Variants in AGMO observed in about 807,000 individuals in gnomAD.
AGMO encodes glyceryl-ether monooxygenase.
Under a neutral mutation model 60.2 loss-of-function variants are expected in AGMO, and 75 were observed. The observed-to-expected ratio is 1.25, with a 90% CI of 1.03 to 1.51. AGMO has a LOEUF of 1.51. Ranked by LOEUF, AGMO falls within the 40% of genes most tolerant of loss-of-function variation. AGMO has a pLI of 0.00. For synonymous variants in AGMO, 261 were observed against 177.1 expected, an observed-to-expected ratio of 1.47 and a Z score of -3.76; for missense variants, 763 against 525.5, an observed-to-expected ratio of 1.45 and a Z score of -4.42.
At chr7:15,447,541 C>T (rs1781732249) in intron 3 of AGMO, among the ~76,000 whole-genome samples, 1 of 151,966 alleles carries the variant, frequency 6.6e-6, no homozygotes. Context: ...CTGCAATGTT[C>T]TCATTTCTTT....
At chr7:15,120,510 T>G in the AGMO span, among the ~76,000 whole-genome samples, 6 of 152,142 alleles carry the variant, frequency 3.9e-5, no homozygotes, top group African/African-American at 1.4e-4. Context: ...AGGATGGGAC[T>G]CCATGATAGG....
intron 3 of AGMO, among the ~76,000 whole-genome samples, chr7:15,481,581 A>G (rs1018962025): frequency 1.5e-4 from 23 of 152,174 alleles, no homozygotes; most frequent in Non-Finnish European, 5.9e-5. Context: ...GCAAAAAGAA[A>G]AAGAAAAAAC....
chr7:15,172,095 A>G, the AGMO span, among the ~76,000 whole-genome samples: 1 of 152,178 alleles, frequency 6.6e-6, no homozygotes, highest in South Asian at 2.1e-4. Flanking sequence ...CACCACAGCA[A>G]GACTTAGAGC....
chr7:15,209,115 C>T (rs369733495), intron 12 of AGMO, among the ~76,000 whole-genome samples: 1 of 152,298 alleles, frequency 6.6e-6, no homozygotes, highest in East Asian at 1.9e-4. Flanking sequence ...CCCATTTCCT[C>T]CCCAATCCTG....
At chr7:15,266,427 A>G (rs1235896474) in intron 12 of AGMO, among the ~76,000 whole-genome samples, 1 of 152,082 alleles carries the variant, frequency 6.6e-6, no homozygotes, top group East Asian at 1.9e-4. Flanking sequence ...TAACAACTTC[A>G]AAGGGCTCAT....
chr7:15,519,562 C>T (rs950447863), intron 3 of AGMO, among the ~76,000 whole-genome samples: 1 of 152,132 alleles, frequency 6.6e-6, no homozygotes, highest in African/African-American at 2.4e-5. Context: ...AACTAAGCTT[C>T]ATAAGTGAAG....
rs149720434 is a variant in AGMO at position 15,284,094 on chromosome 7, A to T, written c.1263+81420T>A. Among the ~76,000 whole-genome samples, 228 of 152,246 alleles carry T rather than the reference A, an allele frequency of 1.5e-3. 1 individual carries two copies. The highest frequency in any genetic ancestry group is 1.9e-3 in the Non-Finnish European group (130 of 67,974). ...TACAGCAAAAATAGTGCTAAGAGAA[A>T]AGTCTGTAGTGCTAAATGCCTCCAT... On this transcript the variant is annotated intron_variant, in intron 12 of 12. Transcript: ENST00000342526.
In AGMO at chr7:15,263,846, G is replaced by A. The variant is rs534962095; in HGVS notation, c.1264-62487C>T. On this transcript the variant is annotated intron_variant, in intron 12 of 12. Coordinates refer to ENST00000342526, the MANE Select transcript of AGMO (RefSeq NM_001004320.2). ...CCAAACATCGTATGTTCTCACTTAC[G>A]TGTGGGAGCTAATCTATGAGGATGC... Among the ~76,000 whole-genome samples, 9 of 152,136 alleles carry A rather than the reference G, an allele frequency of 5.9e-5. No homozygotes were observed. In the South Asian group the frequency reaches 1.2e-3, roughly 21 times the overall value.
chr7:15,320,547 A>T (rs1313927779), intron 12 of AGMO, among the ~76,000 whole-genome samples: 1 of 152,098 alleles, frequency 6.6e-6, no homozygotes, highest in African/African-American at 2.4e-5. Context: ...AAAGATTCAC[A>T]TGGCATCTTC....
Position 15,365,501 on chromosome 7 carries a change from A to G in AGMO, c.1263+13T>C, listed in dbSNP as rs1243525210. 6.3e-7 allele frequency: 1 copy of G among 1,592,396 alleles called. No individual in the cohort carries two copies. The highest frequency in any genetic ancestry group is 1.1e-5 in the South Asian group (1 of 90,272). On this transcript the variant is annotated intron_variant, in intron 12 of 12. Coordinates refer to ENST00000342526, the MANE Select transcript of AGMO (RefSeq NM_001004320.2). Reference sequence around the variant, plus strand: ...TATACGCCATCCTGTGGCTACCTAAACAAATGTCTTACCTCAAAAGCAGAT... The same window carrying G: ...TATACGCCATCCTGTGGCTACCTAAGCAAATGTCTTACCTCAAAAGCAGAT...
the AGMO span, among the ~76,000 whole-genome samples, chr7:15,166,977 C>T: frequency 6.6e-6 from 1 of 152,106 alleles, no homozygotes; most frequent in Non-Finnish European, 1.5e-5. Context: ...CCAGTAGATA[C>T]TTGGAGAAAA....
intron 12 of AGMO, among the ~76,000 whole-genome samples, chr7:15,301,328 A>G (rs541240472): frequency 1.3e-3 from 199 of 152,122 alleles, no homozygotes; most frequent in African/African-American, 4.5e-3. Flanking sequence ...AATCCCAGCA[A>G]CTCGGGAGGC....
At chr7:15,340,869 G>A (rs1309752032) in intron 12 of AGMO, among the ~76,000 whole-genome samples, 1 of 152,158 alleles carries the variant, frequency 6.6e-6, no homozygotes, top group Non-Finnish European at 1.5e-5. Context: ...GGAGCTGTGA[G>A]AAGAGGGCCA....
chr7:15,294,928 A>C (rs532011231), intron 12 of AGMO, among the ~76,000 whole-genome samples: 12 of 151,362 alleles, frequency 7.9e-5, no homozygotes, highest in Non-Finnish European at 1.8e-4. Flanking sequence ...TTTAACTTCC[A>C]CGTCATAAAC....
At chr7:15,172,668 T>G in the AGMO span, among the ~76,000 whole-genome samples, 1 of 152,268 alleles carries the variant, frequency 6.6e-6, no homozygotes, top group African/African-American at 2.4e-5. Flanking sequence ...CAGTGGATTT[T>G]GAGGGCTCAG....
intron 12 of AGMO, among the ~76,000 whole-genome samples, chr7:15,235,655 G>C (rs898819897): frequency 6.6e-6 from 1 of 152,082 alleles, no homozygotes; most frequent in Non-Finnish European, 1.5e-5. Flanking sequence ...AGATCCTAAA[G>C]AAAGAAAATA....
intron 5 of AGMO, among the ~76,000 whole-genome samples, chr7:15,404,411 A>T (rs1784630702): frequency 6.6e-6 from 1 of 151,896 alleles, no homozygotes; most frequent in Non-Finnish European, 1.5e-5. Flanking sequence ...AAAAATGAAC[A>T]CAAGTAACTG....
chr7:15,457,434 T>G (rs1274662260), intron 3 of AGMO, among the ~76,000 whole-genome samples: 1 of 152,168 alleles, frequency 6.6e-6, no homozygotes, highest in Non-Finnish European at 1.5e-5. Context: ...CAACATCCAG[T>G]AGATTTGTTC....
chr7:15,548,291 C>T (rs532313870), intron 2 of AGMO, among the ~76,000 whole-genome samples: 1 of 151,900 alleles, frequency 6.6e-6, no homozygotes, highest in East Asian at 1.9e-4. Context: ...AGTTCCTCAC[C>T]AGCAACGGAA....
Sources: allele counts gnomAD v4.1 joint callset (sites outside exome capture counted in the v4.1 genomes callset), GRCh38; gene constraint gnomAD v4.1.1; transcripts MANE v1.5; gene names NCBI Gene and HGNC (gene_info 2026-07-23, HGNC 2026-07-21).